The following GAK variants were observed in gnomAD, a reference collection of about 807,000 sequenced individuals.
The protein encoded by GAK is cyclin G associated kinase.
A neutral mutation model predicts 143.9 loss-of-function variants in GAK; 79 were observed. The observed-to-expected ratio is 0.55, with a 90% CI of 0.46 to 0.66. The LOEUF (loss-of-function observed/expected upper bound fraction) is 0.66, where lower values mean the gene tolerates loss of function less well. Among genes scored for constraint, GAK ranks in the 30% least tolerant of loss-of-function variants. The probability of loss-of-function intolerance (pLI) is 0.00; values close to 1 mark genes in which losing one functional copy is unlikely to be tolerated. For missense variants in GAK, 1,693 were observed against 1,779.7 expected (o/e 0.95, Z 0.88); for synonymous variants, 881 against 765.5 (o/e 1.15, Z -2.49).
rs143437319 is a variant in GAK, at chr4:878,655, A to C, written c.1662-846T>G. Among the ~76,000 whole-genome samples, 4 of 152,274 alleles carry C rather than the reference A, an allele frequency of 2.6e-5. No homozygotes were observed. In the East Asian group the frequency reaches 7.7e-4, roughly 29 times the overall value. On this transcript the variant is annotated intron_variant, in intron 15 of 27. Coordinates refer to ENST00000314167, the MANE Select transcript of GAK (RefSeq NM_005255.4). The stretch of plus-strand genomic sequence containing the variant: ...CGAAAATATTGAGGTCTACCCTACA[A>C]ATGAGTTGTCTGGTTCTCCTTTCAA...
chr4:876,681 C>T (rs1432362840), intron 17 of GAK, 72 bp from the exon 18 acceptor site: 1 of 1,346,488 alleles, frequency 7.4e-7, no homozygotes, highest in Admixed American at 1.7e-5. Flanking sequence ...GCCAATTTTT[C>T]CCAATGGGCG....
In GAK at chr4:867,356, GTC is replaced by G; in HGVS notation, c.2470_2471del (p.Asp824ArgfsTer3). On this transcript the variant is annotated frameshift_variant, in exon 21 of 28. Transcript: ENST00000314167. LOFTEE classifies it high-confidence loss of function. ...ESESALMEDR[D>X]ESEVSDEGGS... ...CCCCTTCATCTGACACCTCACTCTC[GTC>G]TCTGTCCTCCATCAGGGCAGACTCG... The G allele has an allele frequency of 6.2e-7, 1 of 1,601,462 alleles. No homozygotes were observed. Among genetic ancestry groups the G allele is most frequent in the Non-Finnish European group, 8.5e-7 (1 of 1,171,630 alleles).
At chr4:928,896 T>G (rs1025315564) in intron 1 of GAK, among the ~76,000 whole-genome samples, 1 of 152,192 alleles carries the variant, frequency 6.6e-6, no homozygotes, top group Non-Finnish European at 1.5e-5. Flanking sequence ...CCTGAGTAGC[T>G]GGGACTACAG....
intron 1 of GAK, among the ~76,000 whole-genome samples, chr4:925,294 G>A (rs555010329): frequency 6.6e-6 from 1 of 152,230 alleles, no homozygotes; most frequent in South Asian, 2.1e-4. Flanking sequence ...GGCCCCATGA[G>A]CAGAGCTGGG....
At chr4:929,472 C>T (rs760256126) in intron 1 of GAK, among the ~76,000 whole-genome samples, 2 of 152,166 alleles carry the variant, frequency 1.3e-5, no homozygotes, top group Admixed American at 6.5e-5. Context: ...AGCAACGGCA[C>T]GCAGAACCCA....
intron 1 of GAK, among the ~76,000 whole-genome samples, chr4:930,971 CT>C (rs1725619785): frequency 6.6e-6 from 1 of 152,204 alleles, no homozygotes; most frequent in African/African-American, 2.4e-5. Context: ...AGGGTGAGGG[CT>C]TTTGTGTCGC....
chr4:904,212 C>T (rs1307613286), intron 5 of GAK, among the ~76,000 whole-genome samples: 1 of 148,796 alleles, frequency 6.7e-6, no homozygotes, highest in Non-Finnish European at 1.5e-5. Context: ...GTGGAGGGAG[C>T]CACTACCTTG....
intron 9 of GAK, among the ~76,000 whole-genome samples, chr4:891,700 G>A (rs189923067): frequency 2.0e-5 from 3 of 152,106 alleles, no homozygotes; most frequent in Non-Finnish European, 2.9e-5. Context: ...GACAAAGCAA[G>A]AGGCCCACAC....
chr4:902,589 A>G (rs1186516910), intron 5 of GAK, among the ~76,000 whole-genome samples: 1 of 150,726 alleles, frequency 6.6e-6, no homozygotes, highest in Admixed American at 6.6e-5. Flanking sequence ...CTGTAGAGTG[A>G]CTGACTCAAA....
chr4:910,749 C>A (rs1475133207), intron 4 of GAK, among the ~76,000 whole-genome samples: 1 of 116,936 alleles, frequency 8.6e-6, no homozygotes, highest in African/African-American at 3.0e-5. Context: ...TCTCTCCCTG[C>A]CTGGGGGACA....
At chr4:858,235 G>A (rs145139565) in intron 24 of GAK, among the ~76,000 whole-genome samples, 327 of 152,308 alleles carry the variant, frequency 2.1e-3, no homozygotes, top group African/African-American at 7.6e-3. Context: ...GTCATGTGTC[G>A]GGACAGCAGT....
chr4:932,053 G>C lies in GAK; in HGVS notation c.135C>G (p.Val45=). 6.3e-7 allele frequency: 1 copy of C among 1,584,910 alleles called. No homozygotes were observed. The highest frequency in any genetic ancestry group is 1.1e-5 in the South Asian group (1 of 87,936). The change falls in exon 1 of 28, where the codon GTC becomes GTG. Residue 45 remains valine, a synonymous_variant. Coordinates refer to ENST00000314167, the MANE Select transcript of GAK (RefSeq NM_005255.4). This position sits in a 1 kb window ranked among gnomAD's most constrained non-coding sequence, Gnocchi z 4.0. ...LGELRLRVRR[V]LAEGGFAFVY... Reference sequence around the variant, plus strand: ...GACCCGGGGCCTCACCTTCGGCCAGGACCCGCCGCACCCGCAGCCGCAGCT... The same window carrying C: ...GACCCGGGGCCTCACCTTCGGCCAGCACCCGCCGCACCCGCAGCCGCAGCT...
chr4:909,660 G>C (rs770292123), intron 4 of GAK, among the ~76,000 whole-genome samples: 1 of 152,236 alleles, frequency 6.6e-6, no homozygotes, highest in Non-Finnish European at 1.5e-5. Flanking sequence ...AGGCTGTATA[G>C]AGTTATGAGG....
intron 1 of GAK, among the ~76,000 whole-genome samples, chr4:916,605 C>T (rs1031215855): frequency 2.0e-5 from 3 of 152,296 alleles, no homozygotes; most frequent in Admixed American, 1.3e-4. Flanking sequence ...ACGTGTCCCA[C>T]CACTGCCCAT....
chr4:852,495 A>C (rs530573233), intron 24 of GAK: 15 of 167,420 alleles, frequency 9.0e-5, no homozygotes, highest in Middle Eastern at 3.1e-3. Context: ...GCTGGAGTGC[A>C]GTGGTGTGAT....
intron 1 of GAK, among the ~76,000 whole-genome samples, chr4:924,863 TCTC>T (rs1433405696): frequency 6.8e-6 from 1 of 148,128 alleles, no homozygotes; most frequent in African/African-American, 2.5e-5. Context: ...TAGTGAGTGC[TCTC>T]CTGTGAGATC....
chr4:849,869 G>GGCC, intron 27 of GAK, 23 bp downstream of exon 27: 3 of 1,520,712 alleles, frequency 2.0e-6, no homozygotes, highest in Non-Finnish European at 2.7e-6. Flanking sequence ...GGCCTCAAGC[G>GGCC]GCCGCCTGGC....
rs377187323 is a variant in GAK, at chr4:896,744, G to A, written c.652-195C>T. Among the ~76,000 whole-genome samples, 119 of 152,376 alleles carry A rather than the reference G, an allele frequency of 7.8e-4. No homozygotes were observed. The South Asian group carries it at 0.014, about 18-fold the overall frequency. Reference sequence around the variant, plus strand: ...CGCTGCTCATCTTCGGCCTCAGCGCGCTCCTTACGATGAGGACTGAGTCAT... The same window carrying A: ...CGCTGCTCATCTTCGGCCTCAGCGCACTCCTTACGATGAGGACTGAGTCAT... On this transcript the variant is annotated intron_variant, in intron 6 of 27. Coordinates refer to ENST00000314167, the MANE Select transcript of GAK (RefSeq NM_005255.4).
At chr4:903,209 C>T (rs1418677837) in intron 5 of GAK, among the ~76,000 whole-genome samples, 8 of 152,270 alleles carry the variant, frequency 5.3e-5, no homozygotes, top group South Asian at 4.2e-4. Flanking sequence ...ATCTGTGTGG[C>T]AGTGTGGTGG....
Sources: allele counts gnomAD v4.1 joint callset (sites outside exome capture counted in the v4.1 genomes callset), GRCh38; gene constraint gnomAD v4.1.1; non-coding constraint Gnocchi (gnomAD v3.1); transcripts MANE v1.5; gene names NCBI Gene and HGNC (gene_info 2026-07-23, HGNC 2026-07-21).